B4GALT6: variants seen among roughly 807,000 people sequenced by gnomAD.
B4GALT6 encodes the protein UDP-Gal:beta-GlcNAc beta-1,4-galactosyltransferase 6.
In B4GALT6, 14 loss-of-function variants were observed where a neutral mutation model predicts 46.3. That is an observed-to-expected ratio of 0.30 (90% CI 0.20 to 0.47). The LOEUF is 0.47. B4GALT6 is among the 20% of genes least tolerant of loss of function. The pLI, the probability that B4GALT6 is intolerant of heterozygous loss-of-function variation, is 0.99. For synonymous variants in B4GALT6, 168 were observed against 162.0 expected (o/e 1.04, Z -0.28); for missense variants, 386 against 480.1 (o/e 0.80, Z 1.83).
At chr18:31,650,793 G>A (rs1037892803) in intron 3 of B4GALT6, among the ~76,000 whole-genome samples, 9 of 151,874 alleles carry the variant, frequency 5.9e-5, no homozygotes, top group Non-Finnish European at 1.2e-4. Flanking sequence ...TTTTGAGACG[G>A]AGTCTCGCTC....
intron 8 of B4GALT6, 104 bp from the exon 9 acceptor site, chr18:31,625,865 C>A: frequency 3.3e-6 from 3 of 903,286 alleles, no homozygotes; most frequent in Non-Finnish European, 3.1e-6. Context: ...GCACTTAATG[C>A]CCTTTACAAT....
the B4GALT6 span, chr18:31,718,869 C>T: frequency 1.3e-5 from 2 of 152,178 alleles, no homozygotes; most frequent in South Asian, 4.1e-4. Context: ...AAGAAGCTAC[C>T]AAGATAGATA....
rs1001614035 is a variant in B4GALT6, at chr18:31,645,932, C to T, written c.347-453G>A. On this transcript the variant is annotated intron_variant, in intron 3 of 8. Coordinates refer to ENST00000306851, the MANE Select transcript of B4GALT6 (RefSeq NM_004775.5). ...CTGGGAACTGATTCCTAGCTTCTGT[C>T]TATTGGGAAAATGATTTAACCTCTC... is the stretch of plus-strand genomic sequence containing the variant. Among the ~76,000 whole-genome samples the T allele has an allele frequency of 2.0e-5, 3 of 152,194 alleles. No homozygotes were observed. The South Asian group carries it at 6.2e-4, about 32-fold the overall frequency.
At chr18:31,684,775 C>T (rs2074525779), upstream of B4GALT6, 1 of 1,072,698 alleles carries the variant, frequency 9.3e-7, no homozygotes, top group Non-Finnish European at 1.1e-6. Flanking sequence ...GGAGGAGGGG[C>T]TGCAGGTGGG....
At chr18:31,661,537 C>T (rs1462604992) in intron 2 of B4GALT6, among the ~76,000 whole-genome samples, 2 of 151,830 alleles carry the variant, frequency 1.3e-5, no homozygotes, top group African/African-American at 2.4e-5. Flanking sequence ...TGTGCGCTCT[C>T]GCTCTCTCTC....
chr18:31,658,891 T>TTA (rs1297321488), intron 2 of B4GALT6, among the ~76,000 whole-genome samples: 1 of 152,088 alleles, frequency 6.6e-6, no homozygotes, highest in Admixed American at 6.5e-5. Flanking sequence ...CTATGAGCGA[T>TTA]TAGAGATGAG....
chr18:31,661,968 G>A (rs569967471), intron 2 of B4GALT6, among the ~76,000 whole-genome samples: 1 of 152,240 alleles, frequency 6.6e-6, no homozygotes, highest in East Asian at 1.9e-4. Context: ...TTAGCCACAT[G>A]CTATGATTCT....
chr18:31,711,084 G>A, the B4GALT6 span, among the ~76,000 whole-genome samples: 1 of 152,170 alleles, frequency 6.6e-6, no homozygotes, highest in African/African-American at 2.4e-5. Context: ...CCATGAGGCT[G>A]CAATGCATGT....
the B4GALT6 span, among the ~76,000 whole-genome samples, chr18:31,706,401 C>G: frequency 6.6e-6 from 1 of 152,122 alleles, no homozygotes; most frequent in Non-Finnish European, 1.5e-5. Flanking sequence ...GAGGCCGAGG[C>G]AGGCAGATCA....
chr18:31,662,663 A>G (rs1395966704), intron 2 of B4GALT6, among the ~76,000 whole-genome samples: 2 of 152,136 alleles, frequency 1.3e-5, no homozygotes, highest in Non-Finnish European at 2.9e-5. Flanking sequence ...AACACGGTGA[A>G]ACCCCGTCTC....
the B4GALT6 span, among the ~76,000 whole-genome samples, chr18:31,719,721 G>C: frequency 6.6e-6 from 1 of 152,274 alleles, no homozygotes; most frequent in East Asian, 1.9e-4. Flanking sequence ...GGGTAAGTGG[G>C]GAGTGCCGTT....
intron 8 of B4GALT6, 26 bp downstream of exon 8, chr18:31,626,257 G>C (rs1412417093): frequency 1.5e-6 from 2 of 1,311,960 alleles, no homozygotes; most frequent in Non-Finnish European, 2.1e-6. Context: ...GGAAACCTTG[G>C]TATCTGAAGA....
At chr18:31,628,810 A>C (rs1470808275) in intron 6 of B4GALT6, among the ~76,000 whole-genome samples, 3 of 152,190 alleles carry the variant, frequency 2.0e-5, no homozygotes, top group African/African-American at 7.2e-5. Context: ...CAATCCAGGG[A>C]CTAGTCTAGA....
At chr18:31,665,461 C>T (rs1310105519) in intron 2 of B4GALT6, among the ~76,000 whole-genome samples, 2 of 152,108 alleles carry the variant, frequency 1.3e-5, no homozygotes, top group Non-Finnish European at 1.5e-5. Flanking sequence ...AAGAGTAGGC[C>T]GGGCACAGTG....
upstream of B4GALT6, among the ~76,000 whole-genome samples, chr18:31,690,005 T>C (rs2030056975): frequency 6.6e-6 from 1 of 152,186 alleles, no homozygotes; most frequent in African/African-American, 2.4e-5. Flanking sequence ...GAGAGATAGC[T>C]TTCTTGTGGA....
chr18:31,700,556 G>C, the B4GALT6 span, among the ~76,000 whole-genome samples: 1 of 151,626 alleles, frequency 6.6e-6, no homozygotes, highest in Non-Finnish European at 1.5e-5. Context: ...TCCCAGGTTC[G>C]CGCCATTCTC....
At chr18:31,707,652 G>C in the B4GALT6 span, among the ~76,000 whole-genome samples, 1 of 152,084 alleles carries the variant, frequency 6.6e-6, no homozygotes, top group Non-Finnish European at 1.5e-5. Context: ...AATCTTCCCT[G>C]ACATTGTCAT....
At chr18:31,630,134 G>A (rs897475340) in intron 6 of B4GALT6, among the ~76,000 whole-genome samples, 1 of 150,996 alleles carries the variant, frequency 6.6e-6, no homozygotes, top group African/African-American at 2.4e-5. Flanking sequence ...GTGGGGAGGA[G>A]GAAGAGGAAG....
intron 1 of B4GALT6, among the ~76,000 whole-genome samples, chr18:31,679,798 C>T (rs1189731486): frequency 6.6e-6 from 1 of 152,192 alleles, no homozygotes; most frequent in Non-Finnish European, 1.5e-5. Context: ...ACTTTCTATA[C>T]TCCCTATTAA....
Sources: allele counts gnomAD v4.1 joint callset (sites outside exome capture counted in the v4.1 genomes callset), GRCh38; gene constraint gnomAD v4.1.1; transcripts MANE v1.5; gene names NCBI Gene and HGNC (gene_info 2026-07-23, HGNC 2026-07-21).